Variants in PAK3 observed in about 807,000 individuals in gnomAD.
PAK3 encodes p21 (RAC1) activated kinase 3, also known as serine/threonine-protein kinase PAK 3.
A neutral mutation model predicts 41.0 loss-of-function variants in PAK3; 4 were observed. The observed-to-expected ratio is 0.10, with a 90% CI of 0.05 to 0.22. The LOEUF (loss-of-function observed/expected upper bound fraction) is 0.22, where lower values mean the gene tolerates loss of function less well. PAK3 is among the 10% of genes least tolerant of loss of function. The probability of loss-of-function intolerance (pLI) is 1.00; values close to 1 mark genes in which losing one functional copy is unlikely to be tolerated. For missense variants in PAK3, 205 were observed against 409.9 expected, an observed-to-expected ratio of 0.50 and a Z score of 4.32; for synonymous variants, 146 against 139.6, an observed-to-expected ratio of 1.05 and a Z score of -0.32.
At chrX:111,003,320 T>C (rs963593475) in intron 1 of PAK3, among the ~76,000 whole-genome samples, 1 of 111,679 alleles carries the variant, frequency 9.0e-6, no homozygotes, top group Admixed American at 9.5e-5. Flanking sequence ...TTTTGCCAGC[T>C]CAGCAGTTCG....
chrX:111,058,445 A>G (rs1204911622), intron 1 of PAK3, among the ~76,000 whole-genome samples: 2 of 111,457 alleles, frequency 1.8e-5, no homozygotes, highest in Non-Finnish European at 3.8e-5. Flanking sequence ...ATAATGTTGA[A>G]TATCTTTTTG....
At chrX:111,075,514 T>G (rs1164581051) in intron 1 of PAK3, among the ~76,000 whole-genome samples, 1 of 111,716 alleles carries the variant, frequency 9.0e-6, no homozygotes, top group African/African-American at 3.3e-5. Context: ...AATGCAAGAG[T>G]GAAGGAGGCT....
chrX:111,185,276 T>A (rs2094499091), intron 11 of PAK3, among the ~76,000 whole-genome samples: 1 of 111,968 alleles, frequency 8.9e-6, no homozygotes, highest in African/African-American at 3.2e-5. Flanking sequence ...TTTAAGTTCC[T>A]TGTAGATTCT....
intron 5 of PAK3, among the ~76,000 whole-genome samples, chrX:111,135,472 C>G (rs1399756216): frequency 1.8e-5 from 2 of 110,583 alleles, no homozygotes; most frequent in East Asian, 5.7e-4. Context: ...TGGAGAATCA[C>G]TAGTGTCAGT....
chrX:110,975,585 T>C (rs1257577379), intron 1 of PAK3, among the ~76,000 whole-genome samples: 1 of 111,996 alleles, frequency 8.9e-6, no homozygotes, highest in Non-Finnish European at 1.9e-5. Context: ...CCAATGGCTT[T>C]CTTCACAGAA....
chrX:111,171,872 T>G, intron 10 of PAK3, among the ~76,000 whole-genome samples: 1 of 112,112 alleles, frequency 8.9e-6, no homozygotes, highest in East Asian at 2.8e-4. Context: ...TTATGGCATG[T>G]AAATCATATG....
chrX:110,968,610 C>T (rs1487803832), intron 1 of PAK3, among the ~76,000 whole-genome samples: 21 of 111,753 alleles, frequency 1.9e-4, no homozygotes, highest in African/African-American at 6.8e-4. Context: ...TGCTTATTTG[C>T]CATATATATA....
intron 1 of PAK3, among the ~76,000 whole-genome samples, chrX:110,963,675 G>T (rs2091025247): frequency 8.9e-6 from 1 of 112,248 alleles, no homozygotes; most frequent in Non-Finnish European, 1.9e-5. Flanking sequence ...GTTTTCATCA[G>T]GTTCTAGTGC....
rs751421076 is a variant in PAK3 at position 111,079,037 on chromosome X, A to G, written c.-27-44040A>G. ...TGCCAAAGAAAAGTTTGAAGCTAGC[A>G]GTGATTAGTTCACGAGATTTAAGGA... On this transcript the variant is annotated intron_variant, in intron 1 of 14. Coordinates refer to the PAK3 transcript ENST00000425146. Among the ~76,000 whole-genome samples, 135 of 112,058 alleles carry G rather than the reference A, an allele frequency of 1.2e-3. 1 individual carries two copies. Among genetic ancestry groups the G allele is most frequent in the African/African-American group, 4.2e-3 (131 of 30,901 alleles).
chrX:111,190,314 G>A (rs985979331), intron 11 of PAK3, among the ~76,000 whole-genome samples: 5 of 111,504 alleles, frequency 4.5e-5, no homozygotes, highest in Non-Finnish European at 7.5e-5. Flanking sequence ...AGACAGACAC[G>A]GGTTGTTAAC....
At chrX:111,121,365 C>T (rs1420006426) in intron 4 of PAK3, among the ~76,000 whole-genome samples, 1 of 111,891 alleles carries the variant, frequency 8.9e-6, no homozygotes, top group Admixed American at 9.5e-5. Context: ...TTGTCAATCA[C>T]CTGTGCAGAT....
chrX:111,016,078 T>C (rs1244076381), intron 1 of PAK3, among the ~76,000 whole-genome samples: 2 of 112,700 alleles, frequency 1.8e-5, no homozygotes, highest in African/African-American at 6.4e-5. Flanking sequence ...TCCTCTTGTG[T>C]TGTCTGTTGT....
At position 110,979,088 on chromosome X, in the gene PAK3, A is replaced by T. The variant is rs918474537; in HGVS notation, c.-28+34460A>T. On this transcript the variant is annotated intron_variant, in intron 1 of 14. Transcript: ENST00000425146. Reference sequence around the variant, plus strand: ...TCAAAGAATGATTAATTTCATCTACATTGTCAAATTAATGTGTATAGAATT... The same window carrying T: ...TCAAAGAATGATTAATTTCATCTACTTTGTCAAATTAATGTGTATAGAATT... Among the ~76,000 whole-genome samples the T allele has an allele frequency of 4.4e-4, 49 of 110,752 alleles. 2 individuals carry two copies. Among genetic ancestry groups the T allele is most frequent in the Non-Finnish European group, 7.5e-5 (4 of 53,042 alleles).
Position 111,150,625 on chromosome X carries a change from A to G in PAK3, c.431-1785A>G, listed in dbSNP as rs762586032. Among the ~76,000 whole-genome samples the G allele has an allele frequency of 3.6e-5, 4 of 111,453 alleles. No individual in the cohort carries two copies. In the Admixed American group the frequency reaches 3.8e-4, roughly 11 times the overall value. ...TCAGATCTTGTGAGACTTATCCACT[A>G]TCACGAGAATAGCATGGGAAAGACC... is the stretch of plus-strand genomic sequence containing the variant. On this transcript the variant is annotated intron_variant, in intron 7 of 17. Transcript: ENST00000372007.
intron 8 of PAK3, among the ~76,000 whole-genome samples, chrX:111,159,256 C>A (rs1039263597): frequency 9.0e-6 from 1 of 111,216 alleles, no homozygotes; most frequent in African/African-American, 3.3e-5. Context: ...AATGAAATTT[C>A]TTTAAATGCT....
At chrX:110,950,177 A>C (rs1327230487) in intron 1 of PAK3, among the ~76,000 whole-genome samples, 1 of 111,820 alleles carries the variant, frequency 8.9e-6, no homozygotes, top group Non-Finnish European at 1.9e-5. Flanking sequence ...CTTGCTTATA[A>C]AAATAGAGAT....
rs190439222 is a variant in PAK3, at chrX:111,188,100, G to A, written c.831-4027G>A. ...AACCTCTGTGGATTAGTAATTTGTC[G>A]CAATTTTATACCACTGGATGCCATA... On this transcript the variant is annotated intron_variant, in intron 11 of 17. Coordinates refer to ENST00000372007, the MANE Select transcript of PAK3 (RefSeq NM_002578.5). Among the ~76,000 whole-genome samples, 20 of 108,896 alleles carry A rather than the reference G, an allele frequency of 1.8e-4. No homozygotes were observed. The South Asian group carries it at 4.5e-3, about 24-fold the overall frequency. 94.6% of individuals were successfully genotyped at this position (108,896 alleles called of 115,157 possible).
chrX:111,220,319 A>C (rs2094918527), intron 17 of PAK3, 39 bp from the exon 18 acceptor site: 1 of 880,002 alleles, frequency 1.1e-6, no homozygotes, highest in African/African-American at 2.0e-5. Context: ...TGTTGGAGGA[A>C]AGAATTCCAA....
At chrX:110,979,499 G>A (rs1205254738) in intron 1 of PAK3, among the ~76,000 whole-genome samples, 4 of 109,808 alleles carry the variant, frequency 3.6e-5, no homozygotes, top group Middle Eastern at 4.7e-3. Context: ...GGGTTTCACC[G>A]TGTTAGCCAG....
Sources: gnomAD v4.1 joint callset for allele counts (sites outside exome capture counted in the v4.1 genomes callset) on GRCh38, gnomAD v4.1.1 for gene constraint, MANE v1.5 for transcripts, NCBI Gene and HGNC (gene_info 2026-07-23, HGNC 2026-07-21) for gene names.